The following SDK1 variants were observed in gnomAD, a reference collection of about 807,000 sequenced individuals.
The protein encoded by SDK1 is protein sidekick-1.
SDK1 carries 157 observed loss-of-function variants against 245.5 expected under a neutral mutation model. The ratio of observed to expected loss-of-function variants is 0.64; its 90% CI spans 0.56 to 0.73. The LOEUF (loss-of-function observed/expected upper bound fraction) is 0.73. SDK1 is among the 30% of genes least tolerant of loss of function. SDK1 has a pLI of 0.00. For missense variants in SDK1, 3,583 were observed against 3,002.3 expected (o/e 1.19, Z -4.52); for synonymous variants, 1,647 against 1,278.5 (o/e 1.29, Z -6.15).
At chr7:3,772,076 C>T (rs1037607213) in intron 4 of SDK1, among the ~76,000 whole-genome samples, 2 of 152,164 alleles carry the variant, frequency 1.3e-5, no homozygotes, top group Admixed American at 1.3e-4. Flanking sequence ...TGTACTGAAG[C>T]CTGTGTCAGA....
chr7:3,316,348 CAGTA>C (rs1390055272), intron 1 of SDK1, among the ~76,000 whole-genome samples: 1 of 152,072 alleles, frequency 6.6e-6, no homozygotes, highest in African/African-American at 2.4e-5. Flanking sequence ...GTGTTCAGTA[CAGTA>C]ACATGCTGCA....
rs551383324 is a variant in SDK1, at chr7:3,517,526, G to C, written c.299-101554G>C. ...TGCTTGCTTCCTGCAGGAATGTATT[G>C]ACCTGTTGCATTAGGAAATAGCCCA... On this transcript the variant is annotated intron_variant, in intron 1 of 44. Transcript: ENST00000404826. 2.6e-4 allele frequency among the ~76,000 whole-genome samples: 39 copies of C among 152,210 alleles called. 1 individual carries two copies. In the South Asian group the frequency reaches 8.1e-3, roughly 32 times the overall value.
chr7:4,074,916 A>ATATAT (rs1434239449), intron 20 of SDK1, among the ~76,000 whole-genome samples: 27 of 64,590 alleles, frequency 4.2e-4, no homozygotes, highest in African/African-American at 1.2e-3. Context: ...ATATATATAT[A>ATATAT]TTTTTTTTTT....
chr7:3,658,896 G>A (rs1287395044), intron 4 of SDK1, among the ~76,000 whole-genome samples: 1 of 152,084 alleles, frequency 6.6e-6, no homozygotes, highest in Non-Finnish European at 1.5e-5. Context: ...GGGATTACAG[G>A]TGTGAGCCAC....
chr7:3,800,378 T>G lies in SDK1; in HGVS notation c.714-21072T>G, dbSNP rs571262707. Among the ~76,000 whole-genome samples the G allele has an allele frequency of 3.4e-3, 504 of 150,212 alleles. 3 individuals are homozygous for G. The highest frequency in any genetic ancestry group is 0.012 in the African/African-American group (488 of 41,198). Reference sequence around the variant, plus strand: ...ACTTACTTACTTACTTACTTATTTATTTATTTATTTATTTATTTATTGAGA... The same window carrying G: ...ACTTACTTACTTACTTACTTATTTAGTTATTTATTTATTTATTTATTGAGA... On this transcript the variant is annotated intron_variant, in intron 4 of 44. Transcript: ENST00000404826.
chr7:4,218,376 G>A (rs571151831), intron 38 of SDK1, among the ~76,000 whole-genome samples: 24 of 151,980 alleles, frequency 1.6e-4, no homozygotes, highest in African/African-American at 5.6e-4. Context: ...CTGGATGACA[G>A]AGCGAGACTC....
At chr7:3,974,611 G>A in intron 13 of SDK1, 66 bp downstream of exon 13, 1 of 1,488,540 alleles carries the variant, frequency 6.7e-7, no homozygotes. Flanking sequence ...CCCTGTTAGT[G>A]ACTGCCACTT....
intron 5 of SDK1, among the ~76,000 whole-genome samples, chr7:3,866,014 G>A (rs555490269): frequency 4.1e-4 from 62 of 152,318 alleles, no homozygotes; most frequent in African/African-American, 1.4e-3. Flanking sequence ...GGGATGCGAA[G>A]GATGAGATGG....
At chr7:3,392,549 A>G (rs962232091) in intron 1 of SDK1, among the ~76,000 whole-genome samples, 1 of 152,136 alleles carries the variant, frequency 6.6e-6, no homozygotes, top group African/African-American at 2.4e-5. Context: ...CATCACCATT[A>G]TTTATTTCCA....
chr7:3,986,522 C>A (rs1583734721), intron 13 of SDK1, among the ~76,000 whole-genome samples: 2 of 152,224 alleles, frequency 1.3e-5, no homozygotes, highest in African/African-American at 4.8e-5. Flanking sequence ...TGACCAGCTT[C>A]TAGTTGTAAA....
At chr7:3,479,673 G>T (rs553006207) in intron 1 of SDK1, among the ~76,000 whole-genome samples, 1 of 151,824 alleles carries the variant, frequency 6.6e-6, no homozygotes, top group Non-Finnish European at 1.5e-5. Context: ...ACCAGCCTGG[G>T]CAACATAGTG....
At chr7:3,985,470 G>C (rs144292901) in intron 13 of SDK1, among the ~76,000 whole-genome samples, 2 of 152,114 alleles carry the variant, frequency 1.3e-5, no homozygotes, top group Non-Finnish European at 2.9e-5. Flanking sequence ...ATGGAGATTC[G>C]GTTATTGGAG....
chr7:3,566,658 A>G lies in SDK1; in HGVS notation c.299-52422A>G, dbSNP rs183876999. On this transcript the variant is annotated intron_variant, in intron 1 of 44. Coordinates refer to ENST00000404826, the MANE Select transcript of SDK1 (RefSeq NM_152744.4). ...ACAGAATGGAAAATGATGTAGGTGT[A>G]TGGAATGTCCACAACTTAGATTAAC... Among the ~76,000 whole-genome samples the G allele has an allele frequency of 2.4e-3, 367 of 151,348 alleles. 3 individuals are homozygous for G. Among genetic ancestry groups the G allele is most frequent in the South Asian group, 0.018 (87 of 4,742 alleles).
At chr7:3,387,532 A>G (rs1243905722) in intron 1 of SDK1, among the ~76,000 whole-genome samples, 2 of 152,198 alleles carry the variant, frequency 1.3e-5, no homozygotes, top group South Asian at 4.1e-4. Context: ...GCATATGCCA[A>G]TCACAGTGGA....
Position 3,735,316 on chromosome 7 carries a change from C to A in SDK1, c.714-86134C>A, listed in dbSNP as rs113650385. On this transcript the variant is annotated intron_variant, in intron 4 of 44. Transcript: ENST00000404826. ...AAAATCTGTACTTGCTAAGCAGTGA[C>A]TCTCTGATTCCCCTTCCCCCACAGC... Among the ~76,000 whole-genome samples the A allele has an allele frequency of 3.8e-3, 573 of 152,296 alleles. 8 individuals carry two copies. The highest frequency in any genetic ancestry group is 0.013 in the African/African-American group (535 of 41,562).
chr7:3,448,872 A>G (rs1780426320), intron 1 of SDK1, among the ~76,000 whole-genome samples: 1 of 152,208 alleles, frequency 6.6e-6, no homozygotes, highest in Non-Finnish European at 1.5e-5. Flanking sequence ...CAAATGTCAA[A>G]TGCTACCTGT....
At chr7:3,312,938 A>G (rs1779584901) in intron 1 of SDK1, among the ~76,000 whole-genome samples, 1 of 152,214 alleles carries the variant, frequency 6.6e-6, no homozygotes, top group Non-Finnish European at 1.5e-5. Context: ...ACCTAGACAT[A>G]TTGTAGATGA....
chr7:4,139,541 A>ATGTGTGTGTATATGTATATATGTGTGTG lies in SDK1; in HGVS notation c.4229-6154_4229-6153insGTGTGTGTGTATATGTATATATGTGTGT, dbSNP rs1562871802. On this transcript the variant is annotated intron_variant, in intron 28 of 44. Transcript: ENST00000404826. ...TGTGTGTGTATGTGTGTGTGTATAT[A>ATGTGTGTGTATATGTATATATGTGTGTG]TGTGTGTGTATATGTATATATGTGT... 8.3e-4 allele frequency among the ~76,000 whole-genome samples: 26 copies of ATGTGTGTGTATATGTATATATGTGTGTG among 31,392 alleles called. 7 individuals carry two copies. The highest frequency in any genetic ancestry group is 2.0e-3 in the African/African-American group (25 of 12,260). The allele number at this position is 31,392 out of a possible 152,430, so 20.6% of individuals were successfully genotyped here.
chr7:3,402,112 A>C (rs1221814508), intron 1 of SDK1, among the ~76,000 whole-genome samples: 1 of 152,220 alleles, frequency 6.6e-6, no homozygotes, highest in African/African-American at 2.4e-5. Context: ...CAGATAGAGC[A>C]ATGTCACAGA....
Sources: gnomAD v4.1 joint callset for allele counts (sites outside exome capture counted in the v4.1 genomes callset) on GRCh38, gnomAD v4.1.1 for gene constraint, MANE v1.5 for transcripts, NCBI Gene and HGNC (gene_info 2026-07-23, HGNC 2026-07-21) for gene names.